Variants in TENM3 observed in about 807,000 individuals in gnomAD.
The protein encoded by TENM3 is teneurin transmembrane protein 3.
A neutral mutation model predicts 255.1 loss-of-function variants in TENM3; 63 were observed. The ratio of observed to expected loss-of-function variants is 0.25; its 90% CI spans 0.20 to 0.30. The LOEUF (loss-of-function observed/expected upper bound fraction) is 0.30. Among genes scored for constraint, TENM3 ranks in the 10% least tolerant of loss-of-function variants. The pLI, the probability that TENM3 is intolerant of heterozygous loss-of-function variation, is 1.00. For synonymous variants in TENM3, 1,306 were observed against 1,322.3 expected, an observed-to-expected ratio of 0.99 and a Z score of 0.27; for missense variants, 2,929 against 3,461.1, an observed-to-expected ratio of 0.85 and a Z score of 3.86.
chr4:182,386,562 G>A (rs551108577), intron 3 of TENM3, among the ~76,000 whole-genome samples: 3 of 152,332 alleles, frequency 2.0e-5, no homozygotes, highest in South Asian at 4.1e-4. Context: ...GGTGTGGAGG[G>A]AGAGGCGCGA....
At chr4:182,416,557 T>C (rs948047192) in intron 3 of TENM3, among the ~76,000 whole-genome samples, 1 of 152,204 alleles carries the variant, frequency 6.6e-6, no homozygotes, top group African/African-American at 2.4e-5. Context: ...ACTACATTTT[T>C]TTAAGGTATT....
At chr4:182,081,305 G>C in the TENM3 span, among the ~76,000 whole-genome samples, 1 of 152,058 alleles carries the variant, frequency 6.6e-6, no homozygotes, top group African/African-American at 2.4e-5. Flanking sequence ...GGCCAGGTGT[G>C]GTGGCTCACA....
the TENM3 span, among the ~76,000 whole-genome samples, chr4:181,563,247 C>G: frequency 6.6e-6 from 1 of 152,158 alleles, no homozygotes; most frequent in South Asian, 2.1e-4. Flanking sequence ...CCAGTCCCTC[C>G]TCAGCTTCTG....
At chr4:181,756,845 C>A in the TENM3 span, among the ~76,000 whole-genome samples, 1 of 152,188 alleles carries the variant, frequency 6.6e-6, no homozygotes, top group Admixed American at 6.5e-5. Flanking sequence ...TGGGGATTGT[C>A]AACTTTCCAT....
intron 18 of TENM3, 38 bp from the exon 19 acceptor site, chr4:182,743,132 T>A: frequency 1.3e-6 from 2 of 1,560,072 alleles, no homozygotes; most frequent in Admixed American, 3.7e-5. Context: ...TTTACACTTT[T>A]TCATCATAAG....
At position 182,511,563 on chromosome 4, in the gene TENM3, C is replaced by T. The variant is rs1737401804; in HGVS notation, c.512-89361C>T. ...GCCTCTGAGAGGTTTCTGAAGAGAA[C>T]TTCAGTGTAAAATTTAGTGTCTTAT... On this transcript the variant is annotated intron_variant, in intron 3 of 27. Transcript: ENST00000511685. Among the ~76,000 whole-genome samples, 4 of 152,148 alleles carry T rather than the reference C, an allele frequency of 2.6e-5. No individual in the cohort carries two copies. In the South Asian group the frequency reaches 8.3e-4, roughly 32 times the overall value.
chr4:182,054,212 C>T, the TENM3 span, among the ~76,000 whole-genome samples: 5 of 152,178 alleles, frequency 3.3e-5, no homozygotes, highest in African/African-American at 1.2e-4. Flanking sequence ...ATGGCCTCTC[C>T]CTTCTCTCCT....
intron 3 of TENM3, among the ~76,000 whole-genome samples, chr4:182,380,323 C>T (rs963401474): frequency 6.6e-6 from 1 of 152,022 alleles, no homozygotes; most frequent in African/African-American, 2.4e-5. Context: ...CAGCCATTCC[C>T]CTAAGAGCTA....
chr4:182,779,674 A>C (rs1221723309), intron 24 of TENM3, among the ~76,000 whole-genome samples: 1 of 151,802 alleles, frequency 6.6e-6, no homozygotes, highest in Non-Finnish European at 1.5e-5. Flanking sequence ...CAGTCCCACC[A>C]ACAGTGTAAA....
the TENM3 span, among the ~76,000 whole-genome samples, chr4:181,828,682 A>G: frequency 6.6e-6 from 1 of 152,136 alleles, no homozygotes; most frequent in East Asian, 1.9e-4. Context: ...TCCACCTTGC[A>G]GGTTCAAGTG....
the TENM3 span, among the ~76,000 whole-genome samples, chr4:181,741,732 C>T: frequency 6.6e-6 from 1 of 152,142 alleles, no homozygotes; most frequent in African/African-American, 2.4e-5. Context: ...GAGCGAGGGC[C>T]ACCCTGTCAC....
chr4:182,720,044 AGAGT>A (rs1759584800), intron 13 of TENM3, among the ~76,000 whole-genome samples: 1 of 152,006 alleles, frequency 6.6e-6, no homozygotes. Context: ...GCTGGATGAA[AGAGT>A]GAGACCCTGT....
chr4:181,844,482 C>T, the TENM3 span, among the ~76,000 whole-genome samples: 1 of 151,886 alleles, frequency 6.6e-6, no homozygotes, highest in Non-Finnish European at 1.5e-5. Flanking sequence ...TCTTGGCTAA[C>T]ACGGTGAAAC....
At chr4:181,630,645 G>A in the TENM3 span, among the ~76,000 whole-genome samples, 11,562 of 152,176 alleles carry the variant, frequency 0.076, 501 homozygotes, top group East Asian at 0.14. Context: ...GCAGTTGAGC[G>A]GTTTTGAGTG....
At chr4:182,691,193 G>A (rs1274597678) in intron 12 of TENM3, among the ~76,000 whole-genome samples, 3 of 152,232 alleles carry the variant, frequency 2.0e-5, no homozygotes, top group Non-Finnish European at 4.4e-5. Flanking sequence ...ACTCTGGTGT[G>A]TTTTCTCACT....
chr4:182,488,712 A>G (rs1439878974), intron 3 of TENM3, among the ~76,000 whole-genome samples: 2 of 152,218 alleles, frequency 1.3e-5, no homozygotes, highest in African/African-American at 4.8e-5. Flanking sequence ...ATACTAAGAT[A>G]GAAACAATTT....
At chr4:182,177,786 C>T (rs530675235) in intron 1 of TENM3, among the ~76,000 whole-genome samples, 2 of 151,818 alleles carry the variant, frequency 1.3e-5, no homozygotes, top group South Asian at 2.1e-4. Flanking sequence ...CCTTATCCTC[C>T]CAAAGTACTG....
chr4:181,705,460 T>A, the TENM3 span, among the ~76,000 whole-genome samples: 1 of 152,238 alleles, frequency 6.6e-6, no homozygotes, highest in Non-Finnish European at 1.5e-5. Flanking sequence ...ACTTCCAGCT[T>A]GCTGCTGCCT....
the TENM3 span, among the ~76,000 whole-genome samples, chr4:181,467,089 GTGTGTGTGTGTGTGTATA>G: frequency 9.2e-4 from 59 of 64,340 alleles, 1 homozygote; most frequent in African/African-American, 5.1e-3. Context: ...GTGTGCGTGT[GTGTGTGTGTGTGTGTATA>G]TATATATATA....
Sources: allele counts gnomAD v4.1 joint callset (sites outside exome capture counted in the v4.1 genomes callset), GRCh38; gene constraint gnomAD v4.1.1; transcripts MANE v1.5; gene names NCBI Gene and HGNC (gene_info 2026-07-23, HGNC 2026-07-21).